Variants in SPAG16 observed in about 807,000 individuals in gnomAD.
SPAG16 encodes sperm-associated antigen 16 protein.
SPAG16 carries 86 observed loss-of-function variants against 80.4 expected under a neutral mutation model. That is an observed-to-expected ratio of 1.07 (90% CI 0.90 to 1.28). The LOEUF (loss-of-function observed/expected upper bound fraction) is 1.28, where lower values mean the gene tolerates loss of function less well. Ranked by LOEUF, SPAG16 falls within the 50% of genes most tolerant of loss-of-function variation. SPAG16 has a pLI of 0.00. For missense variants in SPAG16, 870 were observed against 765.3 expected (o/e 1.14, Z -1.61); for synonymous variants, 294 against 265.9 (o/e 1.11, Z -1.03).
At chr2:213,347,489 T>C (rs1024112727) in intron 6 of SPAG16, among the ~76,000 whole-genome samples, 1 of 152,254 alleles carries the variant, frequency 6.6e-6, no homozygotes, top group African/African-American at 2.4e-5. Flanking sequence ...GGGTGTCAAT[T>C]TTAGATCTTT....
intron 14 of SPAG16, among the ~76,000 whole-genome samples, chr2:214,111,623 T>A (rs77615018): frequency 6.6e-6 from 1 of 152,184 alleles, no homozygotes; most frequent in Admixed American, 6.5e-5. Flanking sequence ...GGCTCTTTTT[T>A]GGTTCCTGAA....
At chr2:214,347,185 C>T (rs533481336) in intron 15 of SPAG16, among the ~76,000 whole-genome samples, 1 of 152,242 alleles carries the variant, frequency 6.6e-6, no homozygotes, top group South Asian at 2.1e-4. Flanking sequence ...TTTGGCAATA[C>T]TGTTGCCTGT....
chr2:213,902,407 G>A (rs1200748246), intron 11 of SPAG16, among the ~76,000 whole-genome samples: 2 of 152,192 alleles, frequency 1.3e-5, no homozygotes, highest in Non-Finnish European at 2.9e-5. Flanking sequence ...CAGAATCATG[G>A]TGGGTGCTGA....
intron 10 of SPAG16, among the ~76,000 whole-genome samples, chr2:213,801,529 G>A (rs2071397396): frequency 2.0e-5 from 3 of 152,146 alleles, no homozygotes; most frequent in Admixed American, 2.0e-4. Context: ...ACACAATGAG[G>A]CACAGATCTT....
chr2:213,448,184 C>G (rs1404897138), intron 9 of SPAG16, among the ~76,000 whole-genome samples: 1 of 152,214 alleles, frequency 6.6e-6, no homozygotes, highest in Non-Finnish European at 1.5e-5. Context: ...GCTAATGAGT[C>G]TCGAACATCG....
At chr2:213,375,201 T>G (rs1343747933) in intron 9 of SPAG16, 82 bp downstream of exon 9, 2 of 1,027,746 alleles carry the variant, frequency 1.9e-6, no homozygotes, top group Non-Finnish European at 2.8e-6. Context: ...GTATCATTAT[T>G]TTACCGGAAA....
chr2:214,156,312 G>A (rs1166286083), intron 15 of SPAG16, among the ~76,000 whole-genome samples: 1 of 152,002 alleles, frequency 6.6e-6, no homozygotes, highest in Non-Finnish European at 1.5e-5. Flanking sequence ...AAGGAATTAG[G>A]GCTGAATTTA....
intron 15 of SPAG16, chr2:214,238,960 A>G (rs748849835): frequency 6.6e-6 from 1 of 152,200 alleles, no homozygotes; most frequent in Admixed American, 6.5e-5. Flanking sequence ...CTTTGAGGAT[A>G]CTAGAGTTAT....
chr2:213,359,292 A>G (rs2065845906), intron 7 of SPAG16, among the ~76,000 whole-genome samples: 2 of 152,266 alleles, frequency 1.3e-5, no homozygotes, highest in African/African-American at 4.8e-5. Context: ...TGCTGGGAGA[A>G]CCACTGCTTT....
chr2:213,494,487 T>C (rs545987180), intron 10 of SPAG16, among the ~76,000 whole-genome samples: 2 of 152,294 alleles, frequency 1.3e-5, no homozygotes, highest in Admixed American at 1.3e-4. Context: ...ATTCCCACCA[T>C]TAAATCTACC....
At chr2:214,326,667 C>T (rs142739037) in intron 15 of SPAG16, among the ~76,000 whole-genome samples, 1,542 of 152,078 alleles carry the variant, frequency 0.01, 28 homozygotes, top group African/African-American at 0.033. Flanking sequence ...TACTTCCGGC[C>T]GGGCGCGGTG....
intron 1 of SPAG16, among the ~76,000 whole-genome samples, chr2:213,288,367 C>T (rs1471120717): frequency 3.3e-5 from 5 of 152,098 alleles, no homozygotes; most frequent in Admixed American, 6.5e-5. Context: ...TGTAGTGGCA[C>T]GATCTCGGCT....
At position 213,423,219 on chromosome 2, in the gene SPAG16, TC is replaced by T. The variant is rs371864024; in HGVS notation, c.942+48101del. Among the ~76,000 whole-genome samples the T allele has an allele frequency of 2.2e-3, 328 of 152,338 alleles. 2 individuals carry two copies. The highest frequency in any genetic ancestry group is 7.5e-3 in the African/African-American group (311 of 41,572). Reference sequence around the variant, plus strand: ...TTCTTGCTATCTAAAACCTGAATGTTCATCTACCCTTAACTTCTATTTTTTC... The same window carrying T: ...TTCTTGCTATCTAAAACCTGAATGTTATCTACCCTTAACTTCTATTTTTTC... On this transcript the variant is annotated intron_variant, in intron 9 of 15. Transcript: ENST00000331683.
intron 11 of SPAG16, among the ~76,000 whole-genome samples, chr2:213,885,290 G>C (rs2076508747): frequency 6.6e-6 from 1 of 152,130 alleles, no homozygotes; most frequent in Non-Finnish European, 1.5e-5. Flanking sequence ...TATTAGTAAT[G>C]ACCAGTAGAT....
chr2:213,718,507 G>A (rs950538783), intron 10 of SPAG16, among the ~76,000 whole-genome samples: 31 of 152,204 alleles, frequency 2.0e-4, no homozygotes, highest in African/African-American at 7.0e-4. Flanking sequence ...GCACCAGCGG[G>A]AACCGGGGCT....
chr2:213,476,003 A>G (rs77970635), intron 9 of SPAG16, among the ~76,000 whole-genome samples: 6,942 of 152,300 alleles, frequency 0.046, 234 homozygotes, highest in Middle Eastern at 0.088. Flanking sequence ...CACTATGCTA[A>G]TGGGTTTCTT....
chr2:214,130,750 C>T (rs2054725534), intron 14 of SPAG16, among the ~76,000 whole-genome samples: 1 of 152,072 alleles, frequency 6.6e-6, no homozygotes. Context: ...TGAAATAATG[C>T]CAATAATGAC....
intron 15 of SPAG16, among the ~76,000 whole-genome samples, chr2:214,225,528 A>G (rs1429712730): frequency 1.3e-5 from 2 of 152,154 alleles, no homozygotes; most frequent in Admixed American, 6.6e-5. Context: ...TTAAGTTACT[A>G]TCTACTTAAT....
At chr2:213,372,003 T>A (rs1169405611) in intron 8 of SPAG16, among the ~76,000 whole-genome samples, 1 of 152,124 alleles carries the variant, frequency 6.6e-6, no homozygotes, top group African/African-American at 2.4e-5. Flanking sequence ...ATAATTATTA[T>A]TGAGTAGATA....
Sources: allele counts gnomAD v4.1 joint callset (sites outside exome capture counted in the v4.1 genomes callset), GRCh38; gene constraint gnomAD v4.1.1; transcripts MANE v1.5; gene names NCBI Gene and HGNC (gene_info 2026-07-23, HGNC 2026-07-21).